PDSS2: variants seen among roughly 807,000 people sequenced by gnomAD.
The protein encoded by PDSS2 is all trans-polyprenyl-diphosphate synthase PDSS2.
A neutral mutation model predicts 44.5 loss-of-function variants in PDSS2; 31 were observed. The ratio of observed to expected loss-of-function variants is 0.70; its 90% CI spans 0.52 to 0.94. The LOEUF (loss-of-function observed/expected upper bound fraction) is 0.94. Ranked by LOEUF, PDSS2 falls within the 40% of genes least tolerant of loss-of-function variation. PDSS2 has a pLI of 0.00. For synonymous variants in PDSS2, 157 were observed against 180.3 expected (o/e 0.87, Z 1.03); for missense variants, 452 against 482.2 (o/e 0.94, Z 0.59).
chr6:107,371,745 T>C (rs561955906), intron 1 of PDSS2, among the ~76,000 whole-genome samples: 1 of 152,292 alleles, frequency 6.6e-6, no homozygotes, highest in East Asian at 1.9e-4. Context: ...TAGGACACCT[T>C]AGATGCCAGT....
intron 1 of PDSS2, among the ~76,000 whole-genome samples, chr6:107,419,757 G>A (rs1423568175): frequency 6.6e-6 from 1 of 152,152 alleles, no homozygotes; most frequent in Admixed American, 6.5e-5. Context: ...TTTCAAATGT[G>A]AGATTCTAAG....
chr6:107,411,503 T>C (rs1053325900), intron 1 of PDSS2, among the ~76,000 whole-genome samples: 1 of 152,216 alleles, frequency 6.6e-6, no homozygotes, highest in African/African-American at 2.4e-5. Flanking sequence ...TTCACATGTT[T>C]AAGAGCCATC....
chr6:107,433,043 C>G (rs1253493766), intron 1 of PDSS2, among the ~76,000 whole-genome samples: 1 of 152,072 alleles, frequency 6.6e-6, no homozygotes, highest in African/African-American at 2.4e-5. Context: ...TCTGTTCTGA[C>G]TTATTTCACA....
intron 2 of PDSS2, among the ~76,000 whole-genome samples, chr6:107,301,841 C>A (rs893218791): frequency 3.5e-5 from 5 of 144,320 alleles, no homozygotes; most frequent in African/African-American, 1.3e-4. Context: ...GGCTGAAGCA[C>A]TGAACTCGGG....
intron 3 of PDSS2, among the ~76,000 whole-genome samples, chr6:107,255,059 C>G (rs1401402020): frequency 6.6e-6 from 1 of 151,150 alleles, no homozygotes; most frequent in African/African-American, 2.4e-5. Flanking sequence ...TTACTAGAGA[C>G]GGGGTTTCAC....
At chr6:107,326,941 T>C (rs1777567209) in intron 2 of PDSS2, among the ~76,000 whole-genome samples, 1 of 152,152 alleles carries the variant, frequency 6.6e-6, no homozygotes, top group South Asian at 2.1e-4. Context: ...AAATAGACCA[T>C]CTAAAAAGAA....
chr6:107,365,534 T>C (rs1178691270), intron 1 of PDSS2, among the ~76,000 whole-genome samples: 1 of 152,104 alleles, frequency 6.6e-6, no homozygotes, highest in African/African-American at 2.4e-5. Flanking sequence ...TTAGATCAGA[T>C]ATGAATGGAC....
chr6:107,223,741 A>G (rs1029267704), intron 4 of PDSS2, among the ~76,000 whole-genome samples: 1 of 150,398 alleles, frequency 6.6e-6, no homozygotes. Context: ...TTAAGAGTGA[A>G]TGACATCTAT....
At chr6:107,453,978 C>T (rs963520140) in intron 1 of PDSS2, among the ~76,000 whole-genome samples, 1 of 151,714 alleles carries the variant, frequency 6.6e-6, no homozygotes, top group Middle Eastern at 3.2e-3. Context: ...CATTTGTTTC[C>T]TTCTGTTAGA....
chr6:107,155,961 C>T lies in PDSS2; in HGVS notation c.1042-1184G>A, dbSNP rs142918838. ...CTGGAGTGCAGTGGCATGATCTTGTCTCATTGCAACCTCCGCCTCCCGGAT... is the reference window on the plus strand; with the variant it reads ...CTGGAGTGCAGTGGCATGATCTTGTTTCATTGCAACCTCCGCCTCCCGGAT... On this transcript the variant is annotated intron_variant, in intron 7 of 7. Transcript: ENST00000369037. Among the ~76,000 whole-genome samples the T allele has an allele frequency of 7.9e-3, 978 of 124,208 alleles. 6 individuals are homozygous for T. The highest frequency in any genetic ancestry group is 0.048 in the Middle Eastern group (6 of 126). The allele number at this position is 124,208 out of a possible 152,430, so 81.5% of individuals were successfully genotyped here.
intron 7 of PDSS2, among the ~76,000 whole-genome samples, chr6:107,187,664 CAA>C (rs112747628): frequency 4.1e-5 from 5 of 120,712 alleles, no homozygotes; most frequent in Admixed American, 1.7e-4. Context: ...AACTCCATCT[CAA>C]AAAAAAAAAA....
At chr6:107,429,674 C>T (rs921579558) in intron 1 of PDSS2, among the ~76,000 whole-genome samples, 1 of 151,620 alleles carries the variant, frequency 6.6e-6, no homozygotes, top group African/African-American at 2.4e-5. Context: ...CATCTGAGGT[C>T]GGGAGTTTGA....
At chr6:107,432,848 A>G (rs961407644) in intron 1 of PDSS2, among the ~76,000 whole-genome samples, 2 of 152,138 alleles carry the variant, frequency 1.3e-5, no homozygotes, top group Admixed American at 6.6e-5. Flanking sequence ...TTCACCCTAC[A>G]ATGCCACAGA....
chr6:107,364,423 GCA>G (rs1778895702), intron 1 of PDSS2, among the ~76,000 whole-genome samples: 1 of 152,248 alleles, frequency 6.6e-6, no homozygotes, highest in Non-Finnish European at 1.5e-5. Context: ...GAGAAATCGA[GCA>G]CAGCGCCAGT....
chr6:107,385,235 C>T (rs1779575702), intron 1 of PDSS2, among the ~76,000 whole-genome samples: 1 of 151,930 alleles, frequency 6.6e-6, no homozygotes, highest in African/African-American at 2.4e-5. Flanking sequence ...AAACATCCTT[C>T]TGCCTATAGT....
chr6:107,306,297 C>T (rs1365585430), intron 2 of PDSS2, among the ~76,000 whole-genome samples: 4 of 152,098 alleles, frequency 2.6e-5, no homozygotes, highest in African/African-American at 7.2e-5. Flanking sequence ...GTGCTGTTCT[C>T]GTGATAGTGA....
At chr6:107,225,417 C>T (rs1773787553) in intron 4 of PDSS2, among the ~76,000 whole-genome samples, 1 of 151,632 alleles carries the variant, frequency 6.6e-6, no homozygotes, top group Admixed American at 6.6e-5. Flanking sequence ...TCCCAAAGTG[C>T]TGAGATTACA....
At chr6:107,409,312 T>C (rs1780418138) in intron 1 of PDSS2, among the ~76,000 whole-genome samples, 1 of 152,188 alleles carries the variant, frequency 6.6e-6, no homozygotes, top group Non-Finnish European at 1.5e-5. Flanking sequence ...ATATAACAGA[T>C]ATGGATCTGT....
chr6:107,397,042 G>C (rs996732480), intron 1 of PDSS2, among the ~76,000 whole-genome samples: 1 of 152,030 alleles, frequency 6.6e-6, no homozygotes, highest in Non-Finnish European at 1.5e-5. Flanking sequence ...GATGAGATTG[G>C]AATGAAGCTT....
Sources: allele counts gnomAD v4.1 joint callset (sites outside exome capture counted in the v4.1 genomes callset), GRCh38; gene constraint gnomAD v4.1.1; transcripts MANE v1.5; gene names NCBI Gene and HGNC (gene_info 2026-07-23, HGNC 2026-07-21).